CD86: variants seen among roughly 807,000 people sequenced by gnomAD.
The protein encoded by CD86 is CD86 molecule.
A neutral mutation model predicts 32.1 loss-of-function variants in CD86; 11 were observed. The ratio of observed to expected loss-of-function variants is 0.34; its 90% CI spans 0.22 to 0.57. CD86 has a LOEUF of 0.57. CD86 is among the 20% of genes least tolerant of loss of function. The pLI is 0.86. For synonymous variants in CD86, 137 were observed against 135.3 expected (o/e 1.01, Z -0.09); for missense variants, 359 against 398.4 (o/e 0.90, Z 0.84).
chr3:122,110,852 AC>A (rs2073161413), intron 5 of CD86, among the ~76,000 whole-genome samples: 1 of 152,220 alleles, frequency 6.6e-6, no homozygotes, highest in South Asian at 2.1e-4. Flanking sequence ...GAAGTGACTT[AC>A]ATCTTGGGAA....
intron 4 of CD86, among the ~76,000 whole-genome samples, chr3:122,106,891 A>G (rs896857331): frequency 1.3e-5 from 2 of 150,492 alleles, no homozygotes; most frequent in Non-Finnish European, 3.0e-5. Context: ...ATGCAGACAT[A>G]CAAATGATAT....
intron 1 of CD86, among the ~76,000 whole-genome samples, chr3:122,076,508 T>C (rs1345034928): frequency 1.3e-5 from 2 of 152,180 alleles, no homozygotes; most frequent in Non-Finnish European, 2.9e-5. Flanking sequence ...TCTATCTGTA[T>C]GAAGGATGAA....
At chr3:122,110,412 C>T (rs2073155017) in intron 5 of CD86, among the ~76,000 whole-genome samples, 1 of 152,094 alleles carries the variant, frequency 6.6e-6, no homozygotes, top group South Asian at 2.1e-4. Context: ...TCAGTAATTG[C>T]CTCCAGTAGT....
intron 6 of CD86, 82 bp downstream of exon 6, chr3:122,118,175 A>T: frequency 4.3e-6 from 5 of 1,171,850 alleles, no homozygotes; most frequent in Non-Finnish European, 6.4e-6. Flanking sequence ...TATGCCTAAC[A>T]TATGTTGAGA....
intron 1 of CD86, among the ~76,000 whole-genome samples, chr3:122,073,483 T>A (rs949649796): frequency 1.3e-5 from 2 of 152,194 alleles, no homozygotes; most frequent in African/African-American, 4.8e-5. Flanking sequence ...TTTTTATTCA[T>A]ATAATGGTTG....
Position 122,055,423 on chromosome 3 carries a change from G to T in CD86, c.-67G>T. The T allele has an allele frequency of 6.6e-7, 1 of 1,511,886 alleles. No homozygotes were observed. Among genetic ancestry groups the T allele is most frequent in the South Asian group, 1.1e-5 (1 of 88,826 alleles). 93.7% of individuals were successfully genotyped at this position (1,511,886 alleles called of 1,614,324 possible). A position where few individuals can be genotyped will look rare whatever the true frequency, so the allele number is the denominator to read the frequency against. On this transcript the variant is annotated 5_prime_UTR_variant, in exon 1 of 7. Transcript: ENST00000330540. The stretch of plus-strand genomic sequence containing the variant: ...TTTGCTTCTCTGCTGCTGTAACAGG[G>T]ACTAGCACAGACACACGGATGAGTG...
At chr3:122,064,969 C>G (rs1478940142) in intron 1 of CD86, among the ~76,000 whole-genome samples, 1 of 152,128 alleles carries the variant, frequency 6.6e-6, no homozygotes, top group East Asian at 1.9e-4. Flanking sequence ...GAAGAGATAT[C>G]ACCATAGCTA....
intron 1 of CD86, among the ~76,000 whole-genome samples, chr3:122,060,939 AC>A (rs1216444042): frequency 3.3e-5 from 5 of 152,188 alleles, no homozygotes; most frequent in African/African-American, 1.2e-4. Context: ...GGGAAAAAAA[AC>A]CCATTAGAGT....
At chr3:122,074,282 C>G (rs1286254436) in intron 1 of CD86, among the ~76,000 whole-genome samples, 1 of 152,148 alleles carries the variant, frequency 6.6e-6, no homozygotes, top group Non-Finnish European at 1.5e-5. Context: ...ATCCCCTGCC[C>G]TCCCTTCTTC....
chr3:122,068,712 A>C (rs2072448246), intron 1 of CD86, among the ~76,000 whole-genome samples: 1 of 152,262 alleles, frequency 6.6e-6, no homozygotes, highest in Non-Finnish European at 1.5e-5. Context: ...AATATGTTAC[A>C]TAGTTATGTT....
At chr3:122,058,023 G>A (rs2072265387) in intron 1 of CD86, among the ~76,000 whole-genome samples, 1 of 152,170 alleles carries the variant, frequency 6.6e-6, no homozygotes, top group Non-Finnish European at 1.5e-5. Flanking sequence ...CCAGTTTCTT[G>A]TCTGTAAAAT....
chr3:122,101,511 AAAATATATATATAT>A (rs1476070673), intron 2 of CD86, among the ~76,000 whole-genome samples: 760 of 24,924 alleles, frequency 0.03, 16 homozygotes, highest in Admixed American at 0.057. Flanking sequence ...AAAAAAAAAA[AAAATATATATATAT>A]ATATATATAT....
chr3:122,088,139 A>C (rs1356810681), intron 1 of CD86, among the ~76,000 whole-genome samples: 4 of 149,372 alleles, frequency 2.7e-5, no homozygotes, highest in African/African-American at 9.8e-5. Flanking sequence ...GCAAACCATG[A>C]GCGATTCCCA....
At chr3:122,093,000 G>T (rs1367903869) in intron 2 of CD86, among the ~76,000 whole-genome samples, 2 of 152,144 alleles carry the variant, frequency 1.3e-5, no homozygotes, top group East Asian at 1.9e-4. Context: ...ACTGACTTAG[G>T]TAACAACAGC....
chr3:122,094,595 C>T (rs999501225), intron 2 of CD86, among the ~76,000 whole-genome samples: 2 of 152,188 alleles, frequency 1.3e-5, no homozygotes, highest in African/African-American at 2.4e-5. Flanking sequence ...GTGACCTAGC[C>T]ACAGGGCCGG....
intron 2 of CD86, among the ~76,000 whole-genome samples, chr3:122,100,233 G>A (rs2072977697): frequency 6.6e-6 from 1 of 152,188 alleles, no homozygotes; most frequent in Non-Finnish European, 1.5e-5. Context: ...TTAGCAAGGT[G>A]GTAGTGACTT....
intron 1 of CD86, among the ~76,000 whole-genome samples, chr3:122,076,944 A>G (rs1576764105): frequency 6.6e-6 from 1 of 151,858 alleles, no homozygotes; most frequent in Admixed American, 6.6e-5. Flanking sequence ...CCAAACCCAC[A>G]CCCCTTCCCT....
intron 1 of CD86, among the ~76,000 whole-genome samples, chr3:122,063,413 T>C (rs1277177650): frequency 6.6e-6 from 1 of 151,936 alleles, no homozygotes; most frequent in African/African-American, 2.4e-5. Context: ...TAATGAAAAA[T>C]AAGAATCAAC....
Position 122,065,769 on chromosome 3 carries a change from A to C in CD86, c.14+10266A>C, listed in dbSNP as rs150983227. Among the ~76,000 whole-genome samples, 7 of 152,182 alleles carry C rather than the reference A, an allele frequency of 4.6e-5. No individual in the cohort carries two copies. In the East Asian group the frequency reaches 1.3e-3, roughly 29 times the overall value. On this transcript the variant is annotated intron_variant, in intron 1 of 6. Transcript: ENST00000330540. ...TGTAAGTCTGGACCCAGCCATTCCA[A>C]CTCCTTTGAGGAAATAAGATTCTAA...
Sources: gnomAD v4.1 joint callset for allele counts (sites outside exome capture counted in the v4.1 genomes callset) on GRCh38, gnomAD v4.1.1 for gene constraint, MANE v1.5 for transcripts, NCBI Gene and HGNC (gene_info 2026-07-23, HGNC 2026-07-21) for gene names.